The following SH3KBP1 variants were observed in gnomAD, a reference collection of about 807,000 sequenced individuals.
SH3KBP1 encodes the protein SH3 domain containing kinase binding protein 1, also known as SH3 domain-containing kinase-binding protein 1.
A neutral mutation model predicts 50.1 loss-of-function variants in SH3KBP1; 8 were observed. The observed-to-expected ratio is 0.16, with a 90% CI of 0.09 to 0.29. SH3KBP1 has a LOEUF of 0.29. SH3KBP1 is among the 10% of genes least tolerant of loss of function. The pLI is 1.00. For missense variants in SH3KBP1, 377 were observed against 535.2 expected (o/e 0.70, Z 2.92); for synonymous variants, 227 against 218.6 (o/e 1.04, Z -0.34).
chrX:19,539,702 G>T, intron 16 of SH3KBP1, among the ~76,000 whole-genome samples: 1 of 111,931 alleles, frequency 8.9e-6, no homozygotes, highest in Non-Finnish European at 1.9e-5. Flanking sequence ...CAGCTTATTT[G>T]GGGATAAGGA....
chrX:19,718,818 G>A (rs1190798422), intron 3 of SH3KBP1, among the ~76,000 whole-genome samples: 1 of 110,997 alleles, frequency 9.0e-6, no homozygotes, highest in Admixed American at 9.5e-5. Flanking sequence ...CTCCACATCT[G>A]TAGCCCACAT....
chrX:19,880,551 A>C (rs2069402417), intron 1 of SH3KBP1, among the ~76,000 whole-genome samples: 1 of 112,600 alleles, frequency 8.9e-6, no homozygotes, highest in Admixed American at 9.4e-5. Flanking sequence ...AAAAATAAAA[A>C]ATGTTTTAAA....
At chrX:19,612,239 G>A (rs925228623) in intron 8 of SH3KBP1, among the ~76,000 whole-genome samples, 1 of 111,847 alleles carries the variant, frequency 8.9e-6, no homozygotes, top group Middle Eastern at 4.6e-3. Context: ...GCTTTCGAAA[G>A]TATAAAATAG....
intron 6 of SH3KBP1, among the ~76,000 whole-genome samples, chrX:19,680,419 G>A (rs1187194030): frequency 3.8e-5 from 4 of 105,187 alleles, no homozygotes; most frequent in South Asian, 4.3e-4. Context: ...AAACCTGAAC[G>A]AAAAGTATAA....
intron 6 of SH3KBP1, among the ~76,000 whole-genome samples, chrX:19,657,231 T>C (rs1284661949): frequency 1.8e-5 from 2 of 109,250 alleles, no homozygotes; most frequent in Non-Finnish European, 3.8e-5. Flanking sequence ...TTCCAAAAAA[T>C]TTAGCTGGAT....
intron 2 of SH3KBP1, among the ~76,000 whole-genome samples, chrX:19,762,659 C>T (rs1413390791): frequency 8.9e-6 from 1 of 111,917 alleles, no homozygotes; most frequent in African/African-American, 3.3e-5. Context: ...ACACAGCCAG[C>T]TCTGCAGGAA....
At position 19,836,849 on chromosome X, in the gene SH3KBP1, C is replaced by G. The variant is rs2068073044; in HGVS notation, c.5-567G>C. 2.7e-5 allele frequency among the ~76,000 whole-genome samples: 3 copies of G among 111,827 alleles called. No individual in the cohort carries two copies. In the Admixed American group the frequency reaches 2.8e-4, roughly 11 times the overall value. ...ATTGAACTATGAGGGCAGTTACTCT[C>G]ATGCTTTTCTTGTGATAGTGAGTGA... On this transcript the variant is annotated intron_variant, in intron 1 of 17. Coordinates refer to ENST00000397821, the MANE Select transcript of SH3KBP1 (RefSeq NM_031892.3).
At chrX:19,640,045 A>G (rs769820408) in intron 7 of SH3KBP1, among the ~76,000 whole-genome samples, 5 of 109,963 alleles carry the variant, frequency 4.5e-5, no homozygotes, top group Non-Finnish European at 9.5e-5. Context: ...CAAAGTGATC[A>G]GGAAACAGTG....
chrX:19,646,786 A>AT (rs1474862058), intron 6 of SH3KBP1, among the ~76,000 whole-genome samples: 1 of 112,641 alleles, frequency 8.9e-6, no homozygotes, highest in Non-Finnish European at 1.9e-5. Context: ...TTTTAAAAAC[A>AT]TTTGTGACAG....
At chrX:19,754,625 C>A (rs1603199373) in intron 2 of SH3KBP1, among the ~76,000 whole-genome samples, 1 of 111,668 alleles carries the variant, frequency 9.0e-6, no homozygotes, top group East Asian at 2.8e-4. Context: ...CCACCACCAA[C>A]ATCCAGCTAA....
chrX:19,642,558 G>C (rs1416461549), intron 7 of SH3KBP1, among the ~76,000 whole-genome samples: 1 of 111,817 alleles, frequency 8.9e-6, no homozygotes, highest in Non-Finnish European at 1.9e-5. Flanking sequence ...CTGGTCTTCT[G>C]AATCTGTAAG....
At chrX:19,752,261 C>T (rs2065086983) in intron 2 of SH3KBP1, among the ~76,000 whole-genome samples, 1 of 111,904 alleles carries the variant, frequency 8.9e-6, no homozygotes, top group Admixed American at 9.5e-5. Flanking sequence ...TTGGGGGCAA[C>T]ACTTAAAGTC....
intron 2 of SH3KBP1, among the ~76,000 whole-genome samples, chrX:19,764,585 A>G (rs1001419806): frequency 9.0e-6 from 1 of 111,635 alleles, no homozygotes; most frequent in Non-Finnish European, 1.9e-5. Flanking sequence ...AACGTTTTCT[A>G]AAAAGCCTTT....
chrX:19,845,370 C>A (rs1330304369), intron 1 of SH3KBP1, among the ~76,000 whole-genome samples: 2 of 107,172 alleles, frequency 1.9e-5, no homozygotes, highest in African/African-American at 3.4e-5. Flanking sequence ...CCCCGCTACT[C>A]GGGAGGCTGA....
At chrX:19,876,642 A>C (rs766819391) in intron 1 of SH3KBP1, among the ~76,000 whole-genome samples, 2 of 111,286 alleles carry the variant, frequency 1.8e-5, no homozygotes, top group Non-Finnish European at 3.8e-5. Context: ...AATAACAGAA[A>C]TGCCTCTGTG....
At chrX:19,784,342 G>A (rs187371404) in intron 2 of SH3KBP1, among the ~76,000 whole-genome samples, 17 of 111,906 alleles carry the variant, frequency 1.5e-4, no homozygotes, top group Non-Finnish European at 2.1e-4. Flanking sequence ...TGTGGTACAC[G>A]ATTAAGCTAA....
chrX:19,795,614 G>C (rs1386241872), intron 2 of SH3KBP1, among the ~76,000 whole-genome samples: 1 of 111,302 alleles, frequency 9.0e-6, no homozygotes, highest in African/African-American at 3.3e-5. Flanking sequence ...GCAATTCTTA[G>C]ATCTCAAACA....
At chrX:19,834,765 C>T (rs987563433) in intron 2 of SH3KBP1, among the ~76,000 whole-genome samples, 4 of 111,544 alleles carry the variant, frequency 3.6e-5, no homozygotes, top group African/African-American at 1.3e-4. Flanking sequence ...CATGGTGGCT[C>T]ACACCTGTAA....
intron 6 of SH3KBP1, among the ~76,000 whole-genome samples, chrX:19,666,510 A>G (rs1437589700): frequency 9.0e-6 from 1 of 111,090 alleles, no homozygotes; most frequent in Non-Finnish European, 1.9e-5. Context: ...TTCAGATTAC[A>G]TGACTGATCA....
Sources: gnomAD v4.1 joint callset for allele counts (sites outside exome capture counted in the v4.1 genomes callset) on GRCh38, gnomAD v4.1.1 for gene constraint, MANE v1.5 for transcripts, NCBI Gene and HGNC (gene_info 2026-07-23, HGNC 2026-07-21) for gene names.